CALN1: variants seen among roughly 807,000 people sequenced by gnomAD.
CALN1 encodes the protein calcium-binding protein 8.
CALN1 carries 17 observed loss-of-function variants against 30.6 expected under a neutral mutation model. The observed-to-expected ratio is 0.56, with a 90% confidence interval of 0.38 to 0.83. The LOEUF (loss-of-function observed/expected upper bound fraction) is 0.83. CALN1 is among the 40% of genes least tolerant of loss of function. The pLI is 0.00. For synonymous variants in CALN1, 156 were observed against 131.4 expected (o/e 1.19, Z -1.28); for missense variants, 291 against 354.9 (o/e 0.82, Z 1.45).
intron 3 of CALN1, among the ~76,000 whole-genome samples, chr7:72,117,329 C>T (rs540760521): frequency 6.6e-6 from 1 of 152,072 alleles, no homozygotes; most frequent in Non-Finnish European, 1.5e-5. Context: ...AGGGGACTGT[C>T]GAAGCCGAGG....
intron 1 of CALN1, among the ~76,000 whole-genome samples, chr7:72,418,354 A>G (rs1320822145): frequency 2.6e-5 from 4 of 152,038 alleles, no homozygotes; most frequent in Non-Finnish European, 1.5e-5. Context: ...CATTTTCTTT[A>G]TCCAATCCAC....
chr7:72,050,086 T>C (rs1443129140), intron 4 of CALN1, among the ~76,000 whole-genome samples: 3 of 152,116 alleles, frequency 2.0e-5, no homozygotes, highest in Non-Finnish European at 4.4e-5. Flanking sequence ...CCCAAAGTGC[T>C]GGGGTTTCAG....
intron 5 of CALN1, among the ~76,000 whole-genome samples, chr7:71,887,477 TAG>T (rs1792980718): frequency 1.3e-5 from 2 of 152,124 alleles, no homozygotes; most frequent in South Asian, 4.1e-4. Flanking sequence ...GTATTTTTAG[TAG>T]AGACGGGGTT....
Position 72,284,667 on chromosome 7 carries a change from C to T in CALN1, c.120-5857G>A, listed in dbSNP as rs1797963019. Among the ~76,000 whole-genome samples the T allele has an allele frequency of 2.0e-5, 3 of 152,294 alleles. No homozygotes were observed. In the South Asian group the frequency reaches 6.2e-4, roughly 32 times the overall value. On this transcript the variant is annotated intron_variant, in intron 2 of 6. Coordinates refer to ENST00000395275, the MANE Select transcript of CALN1 (RefSeq NM_031468.4). ...GACTTGGACTGGAGCTTTTCACTAT[C>T]TGATTCTCAGGTCTTCAAACCAGAC...
At chr7:72,498,841 CT>C in the CALN1 span, among the ~76,000 whole-genome samples, 23 of 151,794 alleles carry the variant, frequency 1.5e-4, no homozygotes, top group African/African-American at 4.8e-4. Context: ...AATTTAGGTA[CT>C]TTTTTTAATG....
chr7:71,858,544 C>A (rs774542791), intron 5 of CALN1, among the ~76,000 whole-genome samples: 45 of 151,628 alleles, frequency 3.0e-4, no homozygotes, highest in Non-Finnish European at 5.1e-4. Context: ...AATTTGCCCA[C>A]CTTGCCCACA....
At chr7:72,383,807 A>T (rs543702556) in intron 2 of CALN1, among the ~76,000 whole-genome samples, 5 of 152,362 alleles carry the variant, frequency 3.3e-5, no homozygotes, top group African/African-American at 7.2e-5. Context: ...GGGTGGAGGC[A>T]TAGATGAGTT....
At chr7:72,475,458 C>CA in the CALN1 span, among the ~76,000 whole-genome samples, 1 of 151,558 alleles carries the variant, frequency 6.6e-6, no homozygotes, top group Non-Finnish European at 1.5e-5. Flanking sequence ...GACTCTGTCT[C>CA]AAAAAAAAGA....
the CALN1 span, among the ~76,000 whole-genome samples, chr7:72,472,266 A>AGCCT: frequency 2.6e-5 from 4 of 152,184 alleles, no homozygotes; most frequent in Non-Finnish European, 4.4e-5. Context: ...GGCATTTGCA[A>AGCCT]GGCCATACAT....
In CALN1 at chr7:71,870,273, C is replaced by A; in HGVS notation, c.502-59781G>T. Among the ~76,000 whole-genome samples, 2 of 151,902 alleles carry A rather than the reference C, an allele frequency of 1.3e-5. 1 individual carries two copies. On this transcript the variant is annotated intron_variant, in intron 5 of 6. Transcript: ENST00000395275. ...TGGCATGTGCCTGTAATCTCAGCTA[C>A]TAGGGAGGCTGAGGCAGGAGAATTC...
chr7:72,331,553 G>C (rs766239009), intron 2 of CALN1, among the ~76,000 whole-genome samples: 1 of 152,300 alleles, frequency 6.6e-6, no homozygotes, highest in Middle Eastern at 3.4e-3. Flanking sequence ...GCTTAGCCTG[G>C]GAGGGTTCTT....
chr7:72,359,944 T>A (rs1168322663), intron 2 of CALN1, among the ~76,000 whole-genome samples: 2 of 127,272 alleles, frequency 1.6e-5, no homozygotes, highest in African/African-American at 6.4e-5. Context: ...GCCACTGCAC[T>A]CCAGCTTGGG....
At chr7:72,220,823 T>C (rs1051813918) in intron 3 of CALN1, among the ~76,000 whole-genome samples, 10 of 152,242 alleles carry the variant, frequency 6.6e-5, no homozygotes, top group South Asian at 4.1e-4. Flanking sequence ...ATGTGTTTTT[T>C]GGCTGCATAA....
At chr7:72,261,201 G>A (rs935425528) in intron 3 of CALN1, among the ~76,000 whole-genome samples, 15 of 152,068 alleles carry the variant, frequency 9.9e-5, no homozygotes, top group African/African-American at 1.9e-4. Context: ...TCAGCTACTC[G>A]GGAGGCTGAG....
chr7:72,225,481 G>T (rs1046544918), intron 3 of CALN1, among the ~76,000 whole-genome samples: 1 of 152,052 alleles, frequency 6.6e-6, no homozygotes, highest in South Asian at 2.1e-4. Context: ...AGCTTCAAAA[G>T]GAGTGGCCAA....
intron 5 of CALN1, among the ~76,000 whole-genome samples, chr7:71,906,044 TG>T (rs1304688225): frequency 6.6e-6 from 1 of 152,158 alleles, no homozygotes; most frequent in East Asian, 1.9e-4. Flanking sequence ...AAGAACAGCA[TG>T]GGGGAAACTG....
chr7:72,367,273 G>A (rs1803935891), intron 2 of CALN1, among the ~76,000 whole-genome samples: 1 of 151,984 alleles, frequency 6.6e-6, no homozygotes, highest in Non-Finnish European at 1.5e-5. Context: ...GACTGCTTGA[G>A]GCCAGGAGTT....
intron 3 of CALN1, among the ~76,000 whole-genome samples, chr7:72,188,820 C>T (rs942202898): frequency 6.6e-6 from 1 of 152,132 alleles, no homozygotes; most frequent in African/African-American, 2.4e-5. Context: ...GCGTGTGTGT[C>T]CGTCTTTCTC....
the CALN1 span, among the ~76,000 whole-genome samples, chr7:72,463,208 G>A: frequency 1.3e-5 from 2 of 152,018 alleles, no homozygotes; most frequent in Non-Finnish European, 2.9e-5. Context: ...TGCAACCTCC[G>A]CCTCCCGGGT....
Sources: gnomAD v4.1 joint callset for allele counts (sites outside exome capture counted in the v4.1 genomes callset) on GRCh38, gnomAD v4.1.1 for gene constraint, MANE v1.5 for transcripts, NCBI Gene and HGNC (gene_info 2026-07-23, HGNC 2026-07-21) for gene names.